The following CPVL variants were observed in gnomAD, a reference collection of about 807,000 sequenced individuals.
CPVL encodes carboxypeptidase vitellogenic like.
CPVL carries 51 observed loss-of-function variants against 63.7 expected under a neutral mutation model. The observed-to-expected ratio is 0.80, with a 90% CI of 0.64 to 1.01. The LOEUF is 1.01. CPVL is among the 50% of genes least tolerant of loss of function. The pLI is 0.00. For missense variants in CPVL, 530 were observed against 573.1 expected, an observed-to-expected ratio of 0.92 and a Z score of 0.77; for synonymous variants, 195 against 206.0, an observed-to-expected ratio of 0.95 and a Z score of 0.46.
intron 5 of CPVL, among the ~76,000 whole-genome samples, chr7:29,156,612 G>T (rs907961483): frequency 3.3e-5 from 5 of 152,196 alleles, no homozygotes; most frequent in African/African-American, 1.2e-4. Flanking sequence ...GGGAAACTTT[G>T]TGGGTTTTTT....
intron 11 of CPVL, among the ~76,000 whole-genome samples, chr7:29,047,303 G>A (rs1338104855): frequency 2.0e-5 from 3 of 152,172 alleles, no homozygotes; most frequent in Non-Finnish European, 4.4e-5. Context: ...TATTAAGCAC[G>A]ATACAAGAAG....
At chr7:29,103,411 A>ATTTTTTTTTT (rs551627609) in intron 3 of CPVL, among the ~76,000 whole-genome samples, 5 of 134,802 alleles carry the variant, frequency 3.7e-5, no homozygotes, top group East Asian at 2.2e-4. Context: ...ATGCTCAGCT[A>ATTTTTTTTTT]TTTTTTTTTT....
At chr7:29,035,419 G>A (rs1245653383) in intron 11 of CPVL, among the ~76,000 whole-genome samples, 1 of 152,168 alleles carries the variant, frequency 6.6e-6, no homozygotes, top group East Asian at 1.9e-4. Context: ...AAAAGCTGCT[G>A]GAAACTGAGA....
intron 7 of CPVL, chr7:29,080,440 C>T (rs1784594320): frequency 6.6e-6 from 1 of 151,608 alleles, no homozygotes; most frequent in Non-Finnish European, 1.5e-5. Context: ...TGCCTGTAAT[C>T]CCAGCTACTC....
chr7:29,083,801 T>C (rs1036665716), intron 7 of CPVL, among the ~76,000 whole-genome samples: 1 of 152,162 alleles, frequency 6.6e-6, no homozygotes, highest in African/African-American at 2.4e-5. Flanking sequence ...CACACCCTTA[T>C]TTATCCTTCA....
At chr7:29,132,488 G>C (rs1043164173) in intron 1 of CPVL, among the ~76,000 whole-genome samples, 1 of 152,128 alleles carries the variant, frequency 6.6e-6, no homozygotes, top group African/African-American at 2.4e-5. Flanking sequence ...GGTACATTTG[G>C]ATAAACTGGT....
intron 11 of CPVL, among the ~76,000 whole-genome samples, chr7:29,033,243 C>T (rs1429952487): frequency 7.9e-5 from 12 of 152,172 alleles, no homozygotes; most frequent in African/African-American, 2.9e-4. Flanking sequence ...CTAAATGTCA[C>T]ATTTACTCTC....
chr7:29,146,054 A>T (rs1792564233), intron 1 of CPVL: 1 of 152,626 alleles, frequency 6.6e-6, no homozygotes, highest in Non-Finnish European at 1.5e-5. Context: ...TGAGGGAGTA[A>T]GGGAAAGTGT....
chr7:29,093,884 G>A (rs1038316843), intron 5 of CPVL, among the ~76,000 whole-genome samples: 2 of 152,218 alleles, frequency 1.3e-5, no homozygotes, highest in African/African-American at 4.8e-5. Flanking sequence ...TGAAAAGTGA[G>A]AGAAGTTAAA....
intron 12 of CPVL, among the ~76,000 whole-genome samples, chr7:29,023,728 A>G (rs1431131036): frequency 6.6e-6 from 1 of 152,204 alleles, no homozygotes; most frequent in Non-Finnish European, 1.5e-5. Context: ...CGAAGATACC[A>G]CTGACACTGA....
chr7:29,070,033 C>T (rs1783587614), intron 9 of CPVL, among the ~76,000 whole-genome samples: 1 of 152,180 alleles, frequency 6.6e-6, no homozygotes, highest in South Asian at 2.1e-4. Context: ...AAACACATTT[C>T]AACCACAAGT....
intron 7 of CPVL, among the ~76,000 whole-genome samples, chr7:29,084,630 C>T (rs1381659956): frequency 6.6e-6 from 1 of 152,138 alleles, no homozygotes; most frequent in Non-Finnish European, 1.5e-5. Flanking sequence ...AAATGATTGG[C>T]TGGTACACAT....
chr7:29,015,014 C>T (rs1583988237), intron 12 of CPVL, among the ~76,000 whole-genome samples: 2 of 152,328 alleles, frequency 1.3e-5, no homozygotes, highest in East Asian at 1.9e-4. Flanking sequence ...CTAGCCTGAT[C>T]GTCCACTCGA....
upstream of CPVL, chr7:29,147,186 G>C (rs185345555): frequency 1.7e-6 from 1 of 588,242 alleles, no homozygotes; most frequent in African/African-American, 1.9e-5. Context: ...AGACAGTACG[G>C]GAGCAAGAAC....
intron 5 of CPVL, among the ~76,000 whole-genome samples, chr7:29,163,714 C>A (rs1197174968): frequency 1.3e-5 from 2 of 152,166 alleles, no homozygotes; most frequent in Non-Finnish European, 1.5e-5. Flanking sequence ...TCTCTGTCAC[C>A]AGGCAATTGC....
intron 1 of CPVL, among the ~76,000 whole-genome samples, chr7:29,135,377 G>C (rs1348777162): frequency 6.6e-6 from 1 of 151,748 alleles, no homozygotes; most frequent in Non-Finnish European, 1.5e-5. Flanking sequence ...TGTCGCCCAG[G>C]CTGGAGTGCA....
intron 11 of CPVL, among the ~76,000 whole-genome samples, chr7:29,031,588 C>G (rs1184361156): frequency 1.3e-5 from 2 of 151,920 alleles, no homozygotes; most frequent in African/African-American, 4.8e-5. Flanking sequence ...AATTTTCTGC[C>G]CCCAAACTTA....
intron 7 of CPVL, among the ~76,000 whole-genome samples, chr7:29,072,741 A>C (rs1316467459): frequency 6.6e-6 from 1 of 152,220 alleles, no homozygotes; most frequent in Non-Finnish European, 1.5e-5. Flanking sequence ...TGTGTTAGGC[A>C]TCTCTTACCA....
intron 11 of CPVL, among the ~76,000 whole-genome samples, chr7:29,060,053 C>T (rs935971169): frequency 2.0e-5 from 3 of 152,096 alleles, no homozygotes; most frequent in Non-Finnish European, 4.4e-5. Context: ...AAACTGGAAG[C>T]CTGTCCATTC....
Sources: gnomAD v4.1 joint callset for allele counts (sites outside exome capture counted in the v4.1 genomes callset) on GRCh38, gnomAD v4.1.1 for gene constraint, MANE v1.5 for transcripts, NCBI Gene and HGNC (gene_info 2026-07-23, HGNC 2026-07-21) for gene names.